The following TRPC5 variants were observed in gnomAD, a reference collection of about 807,000 sequenced individuals.
TRPC5 encodes the protein short transient receptor potential channel 5.
A neutral mutation model predicts 56.5 loss-of-function variants in TRPC5; 9 were observed. The observed-to-expected ratio is 0.16, with a 90% CI of 0.10 to 0.28. TRPC5 has a LOEUF of 0.28. TRPC5 is among the 10% of genes least tolerant of loss of function. TRPC5 has a pLI of 1.00. For missense variants in TRPC5, 469 were observed against 748.9 expected (o/e 0.63, Z 4.36); for synonymous variants, 282 against 278.5 (o/e 1.01, Z -0.13).
In TRPC5 at chrX:111,776,218, C is replaced by T. The variant is rs1165122813; in HGVS notation, c.*95G>A. 9.5e-6 allele frequency: 8 copies of T among 845,445 alleles called. No homozygotes were observed. Among genetic ancestry groups the T allele is most frequent in the Non-Finnish European group, 1.3e-5 (8 of 615,010 alleles). 69.7% of individuals were successfully genotyped at this position (845,445 alleles called of 1,213,427 possible). On this transcript the variant is annotated 3_prime_UTR_variant, in exon 11 of 11. Transcript: ENST00000262839. ...GAGTTTCACTCTCCTTTCTGGGGGG[C>T]AGGGGCAGTGAGGGAATCATATTCT...
chrX:111,904,149 A>G (rs1925498562), intron 3 of TRPC5, among the ~76,000 whole-genome samples: 2 of 111,933 alleles, frequency 1.8e-5, no homozygotes, highest in African/African-American at 6.5e-5. Context: ...TCTTAAGCAA[A>G]TCTCTAAACA....
chrX:111,816,210 G>A (rs1161399612), intron 7 of TRPC5, among the ~76,000 whole-genome samples: 1 of 112,060 alleles, frequency 8.9e-6, no homozygotes, highest in Non-Finnish European at 1.9e-5. Flanking sequence ...TTGATCCAGT[G>A]TATTGGGTCC....
At chrX:111,911,093 G>A (rs147902607) in intron 3 of TRPC5, among the ~76,000 whole-genome samples, 1,955 of 111,956 alleles carry the variant, frequency 0.017, 36 homozygotes, top group African/African-American at 0.056. Context: ...GGTTGCCCTG[G>A]TATTTGTTTT....
chrX:111,862,811 T>C (rs1351737247), intron 3 of TRPC5, among the ~76,000 whole-genome samples: 2 of 112,382 alleles, frequency 1.8e-5, no homozygotes, highest in Admixed American at 9.4e-5. Context: ...TCCACGAACA[T>C]GGAATATCTT....
intron 7 of TRPC5, among the ~76,000 whole-genome samples, chrX:111,825,252 C>T (rs12850578): frequency 1.5e-3 from 125 of 84,290 alleles, no homozygotes; most frequent in African/African-American, 4.2e-3. Flanking sequence ...CTCTCTCTCT[C>T]TCTTTCTTTC....
chrX:111,772,832 A>G lies in TRPC5; in HGVS notation c.*3481T>C, dbSNP rs1035887902. Among the ~76,000 whole-genome samples the G allele has an allele frequency of 1.1e-4, 12 of 110,980 alleles. No individual in the cohort carries two copies. The highest frequency in any genetic ancestry group is 7.7e-4 in the South Asian group (2 of 2,596). On this transcript the variant is annotated 3_prime_UTR_variant, in exon 11 of 11. Coordinates refer to ENST00000262839, the MANE Select transcript of TRPC5 (RefSeq NM_012471.3). ...AACCAAGGTCTGGGGCACTAAAACT[A>G]TTAGTCAAAACACCACACGAGATTC...
Position 111,949,641 on chromosome X carries a change from C to T in TRPC5, c.378+2402G>A, listed in dbSNP as rs146864570. On this transcript the variant is annotated intron_variant, in intron 2 of 10. Transcript: ENST00000262839. The stretch of plus-strand genomic sequence containing the variant: ...GGAAATGCAAATCAAAACCACAGAG[C>T]GATACCACCTCACTCCTGCTAGAAT... Among the ~76,000 whole-genome samples the T allele has an allele frequency of 6.9e-3, 769 of 111,507 alleles. 5 individuals carry two copies. The highest frequency in any genetic ancestry group is 0.023 in the African/African-American group (713 of 30,654).
chrX:111,789,366 A>G (rs1945998815), intron 7 of TRPC5, among the ~76,000 whole-genome samples: 1 of 112,244 alleles, frequency 8.9e-6, no homozygotes, highest in Non-Finnish European at 1.9e-5. Context: ...AGCCATATGT[A>G]GAAAGCTGAA....
chrX:111,858,331 T>C (rs939414552), intron 3 of TRPC5, among the ~76,000 whole-genome samples: 1 of 111,351 alleles, frequency 9.0e-6, no homozygotes, highest in Non-Finnish European at 1.9e-5. Context: ...AAACCCGAAC[T>C]GTCCAGAGCC....
intron 1 of TRPC5, among the ~76,000 whole-genome samples, chrX:111,988,712 T>C (rs953889918): frequency 3.6e-5 from 4 of 111,203 alleles, no homozygotes; most frequent in African/African-American, 1.3e-4. Flanking sequence ...AAGGTGCATA[T>C]GATTTGCCTA....
intron 6 of TRPC5, among the ~76,000 whole-genome samples, chrX:111,837,132 A>T (rs970677662): frequency 4.4e-5 from 5 of 112,569 alleles, no homozygotes; most frequent in Non-Finnish European, 5.6e-5. Flanking sequence ...AATCAAAAGT[A>T]AGATGAGAGT....
intron 1 of TRPC5, among the ~76,000 whole-genome samples, chrX:111,984,164 C>T (rs1454430054): frequency 9.0e-6 from 1 of 111,213 alleles, no homozygotes; most frequent in East Asian, 2.8e-4. Flanking sequence ...ATTAGTTAAC[C>T]ACAGAGGATG....
At chrX:111,899,933 G>A (rs746588705) in intron 3 of TRPC5, among the ~76,000 whole-genome samples, 3 of 110,708 alleles carry the variant, frequency 2.7e-5, no homozygotes, top group South Asian at 7.7e-4. Flanking sequence ...CAACAAAATC[G>A]TGCCTTCTGG....
chrX:111,898,630 A>G (rs144155151), intron 3 of TRPC5, among the ~76,000 whole-genome samples: 1,401 of 110,656 alleles, frequency 0.013, 17 homozygotes, highest in African/African-American at 0.043. Context: ...AATCAGACAG[A>G]TTTCTTAGTC....
chrX:111,996,856 A>G lies in TRPC5; in HGVS notation c.-21-44415T>C, dbSNP rs891771761. ...TTTGTTTGCTTTCCATTGGCTTGGT[A>G]GATCTTCCTCCATCCCTTTATTTTA... On this transcript the variant is annotated intron_variant, in intron 1 of 10. Transcript: ENST00000262839. Among the ~76,000 whole-genome samples the G allele has an allele frequency of 5.4e-5, 6 of 111,155 alleles. No individual in the cohort carries two copies. In the East Asian group the frequency reaches 1.7e-3, roughly 31 times the overall value.
intron 1 of TRPC5, among the ~76,000 whole-genome samples, chrX:112,057,172 A>G: frequency 8.9e-6 from 1 of 112,125 alleles, no homozygotes; most frequent in Non-Finnish European, 1.9e-5. Context: ...AGGCAAAAAT[A>G]TAGTGGGAGA....
rs751802038 is a variant in TRPC5 at position 111,866,921 on chromosome X, G to A, written c.901-12815C>T. Among the ~76,000 whole-genome samples, 4 of 112,257 alleles carry A rather than the reference G, an allele frequency of 3.6e-5. 1 individual carries two copies. The South Asian group carries it at 1.5e-3, about 42-fold the overall frequency. Reference sequence around the variant, plus strand: ...GGAAGTGCAAGATTAATGTGATTCAGTTTAGGCCTTTCAACAAGTATTTTG... The same window carrying A: ...GGAAGTGCAAGATTAATGTGATTCAATTTAGGCCTTTCAACAAGTATTTTG... On this transcript the variant is annotated intron_variant, in intron 3 of 10. Transcript: ENST00000262839.
intron 7 of TRPC5, among the ~76,000 whole-genome samples, chrX:111,790,058 G>C: frequency 9.0e-6 from 1 of 111,554 alleles, no homozygotes; most frequent in Non-Finnish European, 1.9e-5. Flanking sequence ...CCCACTACTG[G>C]GTATATACCC....
chrX:111,782,415 TTAAA>T (rs1416464593), intron 7 of TRPC5, among the ~76,000 whole-genome samples: 1 of 111,518 alleles, frequency 9.0e-6, no homozygotes, highest in Non-Finnish European at 1.9e-5. Context: ...GTAGAACTGG[TTAAA>T]TAAATGGTGT....
Sources: allele counts gnomAD v4.1 joint callset (sites outside exome capture counted in the v4.1 genomes callset), GRCh38; gene constraint gnomAD v4.1.1; transcripts MANE v1.5; gene names NCBI Gene and HGNC (gene_info 2026-07-23, HGNC 2026-07-21).